Variants in SHCBP1 observed in about 807,000 individuals in gnomAD.
SHCBP1 encodes the protein SHC SH2 domain-binding protein 1.
In SHCBP1, 60 loss-of-function variants were observed where a neutral mutation model predicts 75.1. That is an observed-to-expected ratio of 0.80 (90% CI 0.65 to 0.99). The LOEUF (loss-of-function observed/expected upper bound fraction) is 0.99. Ranked by LOEUF, SHCBP1 falls within the 50% of genes least tolerant of loss-of-function variation. The pLI is 0.00. For synonymous variants in SHCBP1, 290 were observed against 293.2 expected (o/e 0.99, Z 0.11); for missense variants, 709 against 809.4 (o/e 0.88, Z 1.50).
intron 10 of SHCBP1, among the ~76,000 whole-genome samples, chr16:46,592,975 A>AAAAAAAAAAAAAC (rs1965073602): frequency 6.8e-6 from 1 of 148,032 alleles, no homozygotes; most frequent in African/African-American, 2.5e-5. Context: ...AAAAAAAAAA[A>AAAAAAAAAAAAAC]AGCAGAAATT....
At chr16:46,589,540 A>T (rs1459887469) in intron 10 of SHCBP1, among the ~76,000 whole-genome samples, 1 of 152,234 alleles carries the variant, frequency 6.6e-6, no homozygotes, top group Non-Finnish European at 1.5e-5. Context: ...ACAGATAAAC[A>T]GAGAGTCAAA....
chr16:46,599,353 C>CAT (rs1567447099), intron 9 of SHCBP1, among the ~76,000 whole-genome samples: 1 of 151,972 alleles, frequency 6.6e-6, no homozygotes, highest in African/African-American at 2.4e-5. Context: ...TATTAACTGG[C>CAT]CTAATTTCAA....
chr16:46,598,693 C>A (rs1002036482), intron 9 of SHCBP1, among the ~76,000 whole-genome samples: 1 of 152,184 alleles, frequency 6.6e-6, no homozygotes, highest in Non-Finnish European at 1.5e-5. Flanking sequence ...TCAGCCTGTC[C>A]TTTGAAGCTG....
intron 10 of SHCBP1, among the ~76,000 whole-genome samples, chr16:46,587,732 A>G (rs1964974567): frequency 2.0e-5 from 3 of 152,238 alleles, no homozygotes; most frequent in Non-Finnish European, 4.4e-5. Flanking sequence ...TTAACACCCC[A>G]CTGTCAACAT....
At chr16:46,601,339 C>G (rs1419206185) in intron 8 of SHCBP1, among the ~76,000 whole-genome samples, 1 of 152,092 alleles carries the variant, frequency 6.6e-6, no homozygotes, top group Non-Finnish European at 1.5e-5. Context: ...ACCATCAGAT[C>G]TGTATAAATC....
At chr16:46,620,652 C>G (rs1965571471) in intron 1 of SHCBP1, 1 of 152,030 alleles carries the variant, frequency 6.6e-6, no homozygotes, top group African/African-American at 2.4e-5. Context: ...CTACACAATA[C>G]AACCGAAAGT....
intron 12 of SHCBP1, among the ~76,000 whole-genome samples, chr16:46,582,394 T>C (rs1192821596): frequency 6.6e-6 from 1 of 152,252 alleles, no homozygotes; most frequent in Non-Finnish European, 1.5e-5. Context: ...CTGGTATTAC[T>C]TTCATGCCTA....
At chr16:46,618,146 A>C in intron 2 of SHCBP1, 59 bp downstream of exon 2, 2 of 1,515,556 alleles carry the variant, frequency 1.3e-6, no homozygotes, top group Non-Finnish European at 1.8e-6. Flanking sequence ...ATCGCACTCC[A>C]GCCTGGACAA....
rs928145652 is a variant in SHCBP1, at chr16:46,621,333, G to T, written c.27C>A (p.Gly9=). The T allele has an allele frequency of 2.5e-6, 4 of 1,611,016 alleles. No homozygotes were observed. Among genetic ancestry groups the T allele is most frequent in the Non-Finnish European group, 3.4e-6 (4 of 1,178,948 alleles). The part of the protein sequence containing the change: MADGSLTG[G]GLEAAAMAPE... ...GCGCCATGGCCGCTGCCTCCAGACC[G>T]CCGCCCGTCAGCGACCCGTCAGCCA... The change falls in exon 1 of 13, where the codon GGC becomes GGA. Residue 9 remains glycine, a synonymous_variant. Transcript: ENST00000303383.
intron 10 of SHCBP1, among the ~76,000 whole-genome samples, chr16:46,592,739 T>C (rs2142998755): frequency 6.6e-6 from 1 of 151,584 alleles, no homozygotes; most frequent in East Asian, 1.9e-4. Context: ...TAAAAATAAT[T>C]ATATACCATG....
chr16:46,583,386 C>T, intron 12 of SHCBP1, 130 bp downstream of exon 12: 1 of 902,612 alleles, frequency 1.1e-6, no homozygotes, highest in Non-Finnish European at 1.6e-6. Flanking sequence ...TACCAAGCTT[C>T]TCTCTCTCCA....
chr16:46,600,555 C>T (rs1965216655), intron 8 of SHCBP1, among the ~76,000 whole-genome samples: 1 of 152,210 alleles, frequency 6.6e-6, no homozygotes, highest in South Asian at 2.1e-4. Context: ...TTGTTTCTAA[C>T]TCTAACATTC....
chr16:46,611,794 G>A (rs541022170), intron 4 of SHCBP1, among the ~76,000 whole-genome samples: 1 of 152,296 alleles, frequency 6.6e-6, no homozygotes, highest in East Asian at 1.9e-4. Flanking sequence ...GTGAGGTTCA[G>A]ATTGATCAAC....
At chr16:46,599,800 C>A (rs763430449) in intron 9 of SHCBP1, 31 bp downstream of exon 9, 6 of 1,527,250 alleles carry the variant, frequency 3.9e-6, no homozygotes, top group African/African-American at 1.4e-5. Flanking sequence ...AATCTTAGAA[C>A]AAATGATATA....
At chr16:46,584,736 T>G (rs551482578) in intron 10 of SHCBP1, among the ~76,000 whole-genome samples, 19 of 152,172 alleles carry the variant, frequency 1.2e-4, no homozygotes, top group Middle Eastern at 3.4e-3. Context: ...AACATAAAAA[T>G]AGTAAGAATT....
At chr16:46,598,337 T>C (rs192387406) in intron 9 of SHCBP1, among the ~76,000 whole-genome samples, 1 of 152,312 alleles carries the variant, frequency 6.6e-6, no homozygotes, top group Non-Finnish European at 1.5e-5. Context: ...AATTACTCCT[T>C]GATCCATGGG....
intron 2 of SHCBP1, 48 bp from the exon 3 acceptor site, chr16:46,617,797 G>A (rs1369837446): frequency 2.9e-6 from 4 of 1,393,298 alleles, no homozygotes; most frequent in African/African-American, 1.4e-5. Flanking sequence ...ATAAAGCAGA[G>A]GGAAGTTAAT....
chr16:46,610,351 T>C (rs569726825), intron 4 of SHCBP1, among the ~76,000 whole-genome samples: 8 of 152,180 alleles, frequency 5.3e-5, no homozygotes, highest in Non-Finnish European at 8.8e-5. Context: ...ATTCCCCTAA[T>C]TGTCTCCTGC....
chr16:46,604,198 AC>A (rs1269923886), intron 6 of SHCBP1, 29 bp downstream of exon 6: 3 of 1,612,418 alleles, frequency 1.9e-6, no homozygotes, highest in African/African-American at 1.3e-5. Context: ...AAAGATGCTG[AC>A]TAACTAAGAA....
Sources: gnomAD v4.1 joint callset for allele counts (sites outside exome capture counted in the v4.1 genomes callset) on GRCh38, gnomAD v4.1.1 for gene constraint, MANE v1.5 for transcripts, NCBI Gene and HGNC (gene_info 2026-07-23, HGNC 2026-07-21) for gene names.